DNAH9: variants seen among roughly 807,000 people sequenced by gnomAD.
DNAH9 encodes the protein dynein axonemal heavy chain 9.
A neutral mutation model predicts 471.6 loss-of-function variants in DNAH9; 345 were observed. The observed-to-expected ratio is 0.73, with a 90% CI of 0.67 to 0.80. The LOEUF (loss-of-function observed/expected upper bound fraction) is 0.80. Among genes scored for constraint, DNAH9 ranks in the 30% least tolerant of loss-of-function variants. The pLI is 0.00. For missense variants in DNAH9, 5,407 were observed against 5,609.2 expected, an observed-to-expected ratio of 0.96 and a Z score of 1.15; for synonymous variants, 2,093 against 2,123.6, an observed-to-expected ratio of 0.99 and a Z score of 0.40.
intron 65 of DNAH9, among the ~76,000 whole-genome samples, chr17:11,936,955 C>G (rs1974731860): frequency 6.6e-6 from 1 of 152,088 alleles, no homozygotes; most frequent in Non-Finnish European, 1.5e-5. Flanking sequence ...AAGGAAAGGT[C>G]TGGAATCCTA....
At chr17:11,841,023 A>G (rs949529895) in intron 49 of DNAH9, among the ~76,000 whole-genome samples, 3 of 152,218 alleles carry the variant, frequency 2.0e-5, no homozygotes, top group Non-Finnish European at 2.9e-5. Flanking sequence ...TTTTAAAAAT[A>G]CATTCTGCCA....
At position 11,809,231 on chromosome 17, in the gene DNAH9, TA is replaced by T. The variant is rs1299890977; in HGVS notation, c.8584-1014del. Among the ~76,000 whole-genome samples, 7 of 152,072 alleles carry T rather than the reference TA, an allele frequency of 4.6e-5. No homozygotes were observed. The East Asian group carries it at 1.2e-3, about 25-fold the overall frequency. ...TATGTGTGTGTGTGTGTTGCCCCAG[TA>T]TATTTTTTTCAACATAAGTGTTTTG... On this transcript the variant is annotated intron_variant, in intron 44 of 68. Coordinates refer to ENST00000262442, the MANE Select transcript of DNAH9 (RefSeq NM_001372.4).
intron 35 of DNAH9, among the ~76,000 whole-genome samples, chr17:11,758,412 A>C (rs1347050025): frequency 6.6e-6 from 1 of 152,176 alleles, no homozygotes; most frequent in African/African-American, 2.4e-5. Flanking sequence ...CATTCTGTGA[A>C]TCTGACACCC....
At chr17:11,727,973 C>T (rs138475188) in intron 28 of DNAH9, 51 bp downstream of exon 28, 12 of 1,183,680 alleles carry the variant, frequency 1.0e-5, no homozygotes, top group South Asian at 6.1e-5. Flanking sequence ...TTGATTACTG[C>T]GGAAGTCTAT....
chr17:11,855,138 G>A (rs768299973), intron 50 of DNAH9, among the ~76,000 whole-genome samples: 1 of 151,996 alleles, frequency 6.6e-6, no homozygotes. Context: ...CCGGGCTCAA[G>A]TGATCCTCCC....
intron 15 of DNAH9, among the ~76,000 whole-genome samples, chr17:11,667,774 G>A (rs2073897834): frequency 6.6e-6 from 1 of 152,168 alleles, no homozygotes; most frequent in Non-Finnish European, 1.5e-5. Context: ...TACAGAGAAG[G>A]ATCACCTGCA....
At chr17:11,667,102 T>C (rs2073885073) in intron 15 of DNAH9, among the ~76,000 whole-genome samples, 1 of 152,162 alleles carries the variant, frequency 6.6e-6, no homozygotes, top group African/African-American at 2.4e-5. Flanking sequence ...GAGATTACAG[T>C]CCCATGTCAA....
At chr17:11,948,450 G>A (rs1361978752) in intron 67 of DNAH9, among the ~76,000 whole-genome samples, 6 of 150,780 alleles carry the variant, frequency 4.0e-5, no homozygotes, top group African/African-American at 1.2e-4. Flanking sequence ...GGCTGGTCTC[G>A]AACCCCTGAC....
chr17:11,598,957 G>A (rs2072324795), intron 1 of DNAH9, 42 bp downstream of exon 1: 1 of 1,423,402 alleles, frequency 7.0e-7, no homozygotes, highest in Non-Finnish European at 9.2e-7. Flanking sequence ...AAGCTGGGTG[G>A]GGGAGGGGAG....
intron 42 of DNAH9, among the ~76,000 whole-genome samples, chr17:11,796,754 G>A (rs556357996): frequency 1.2e-4 from 19 of 152,226 alleles, no homozygotes; most frequent in Admixed American, 3.9e-4. Context: ...TTTTCTCCTC[G>A]ACAACCTTTC....
Position 11,744,856 on chromosome 17 carries a change from G to A in DNAH9, c.6171G>A (p.Leu2057=), listed in dbSNP as rs930984903. The A allele has an allele frequency of 2.4e-5, 38 of 1,614,070 alleles. No individual in the cohort carries two copies. Among genetic ancestry groups the A allele is most frequent in the Non-Finnish European group, 2.9e-5 (34 of 1,180,028 alleles). The change falls in exon 31 of 69, where the codon CTG becomes CTA. Residue 2057 remains leucine, a synonymous_variant. Coordinates refer to ENST00000262442, the MANE Select transcript of DNAH9 (RefSeq NM_001372.4). ...IKSVLVVAGS[L]KRGDPDRPED... is the part of the protein sequence containing the mutation. ...CCGTGCTGGTGGTGGCAGGATCCCT[G>A]AAGAGAGGAGACCCTGACCGGCCTG...
intron 33 of DNAH9, among the ~76,000 whole-genome samples, chr17:11,756,204 G>A (rs1967377634): frequency 6.6e-6 from 1 of 151,824 alleles, no homozygotes; most frequent in Non-Finnish European, 1.5e-5. Flanking sequence ...ATGAACCCTG[G>A]AGGCAGAGCT....
At chr17:11,830,755 A>G (rs1326249313) in intron 48 of DNAH9, among the ~76,000 whole-genome samples, 2 of 152,244 alleles carry the variant, frequency 1.3e-5, no homozygotes, top group Non-Finnish European at 2.9e-5. Flanking sequence ...TGTATAACTG[A>G]AAAGTCAAAG....
At position 11,699,315 on chromosome 17, in the gene DNAH9, C is replaced by T. The variant is rs2074550996; in HGVS notation, c.4873-416C>T. On this transcript the variant is annotated intron_variant, in intron 22 of 68. Transcript: ENST00000262442. ...AGGCCACTGCCGCCACCACTGTTGACTCACCAGATTCAATGTATGTTAGCA... is the reference window on the plus strand; with the variant it reads ...AGGCCACTGCCGCCACCACTGTTGATTCACCAGATTCAATGTATGTTAGCA... Among the ~76,000 whole-genome samples the T allele has an allele frequency of 2.0e-5, 3 of 152,306 alleles. 1 individual carries two copies. Among genetic ancestry groups the T allele is most frequent in the Non-Finnish European group, 1.5e-5 (1 of 68,010 alleles).
Position 11,892,715 on chromosome 17 carries a change from G to A in DNAH9, c.11283+768G>A, listed in dbSNP as rs1357835983. 6.6e-6 allele frequency among the ~76,000 whole-genome samples: 1 copy of A among 151,790 alleles called. No homozygotes were observed. The highest frequency in any genetic ancestry group is 1.9e-4 in the East Asian group (1 of 5,146). The stretch of plus-strand genomic sequence containing the variant: ...ACAGGTGTGCGCCACCAGGCCCAGC[G>A]AATTTTTTTTGTATTTTAAGTAGAG... On this transcript the variant is annotated intron_variant, in intron 58 of 68. Coordinates refer to ENST00000262442, the MANE Select transcript of DNAH9 (RefSeq NM_001372.4). The surrounding 1 kb of genome is among the most constrained non-coding windows in gnomAD (Gnocchi z 4.3).
intron 35 of DNAH9, among the ~76,000 whole-genome samples, chr17:11,759,678 A>G (rs1321756542): frequency 5.6e-5 from 8 of 143,316 alleles, no homozygotes; most frequent in Non-Finnish European, 7.5e-5. Flanking sequence ...GTGCATTACC[A>G]TGCCCACCTA....
intron 6 of DNAH9, among the ~76,000 whole-genome samples, chr17:11,621,175 T>G (rs9902822): frequency 6.6e-6 from 1 of 151,980 alleles, no homozygotes; most frequent in Non-Finnish European, 1.5e-5. Flanking sequence ...TTTGGGAGGC[T>G]GAGGCAGGCG....
intron 32 of DNAH9, among the ~76,000 whole-genome samples, chr17:11,748,965 T>C (rs1386404656): frequency 6.6e-6 from 1 of 152,168 alleles, no homozygotes; most frequent in East Asian, 1.9e-4. Flanking sequence ...AATTTTTATT[T>C]TGCTGTTAAT....
chr17:11,936,447 T>C (rs1054555177), intron 65 of DNAH9, among the ~76,000 whole-genome samples: 4 of 152,210 alleles, frequency 2.6e-5, no homozygotes, highest in Admixed American at 6.5e-5. Context: ...CCAGGCAACA[T>C]AGTGAGACCT....
Sources: gnomAD v4.1 joint callset for allele counts (sites outside exome capture counted in the v4.1 genomes callset) on GRCh38, gnomAD v4.1.1 for gene constraint, Gnocchi (gnomAD v3.1) non-coding constraint, MANE v1.5 for transcripts, NCBI Gene and HGNC (gene_info 2026-07-23, HGNC 2026-07-21) for gene names.